Variants in IMMP2L observed in about 807,000 individuals in gnomAD.
IMMP2L encodes the protein inner mitochondrial membrane peptidase subunit 2.
IMMP2L carries 18 observed loss-of-function variants against 19.3 expected under a neutral mutation model. The ratio of observed to expected loss-of-function variants is 0.93; its 90% CI spans 0.64 to 1.38. IMMP2L has a LOEUF of 1.38. IMMP2L is among the 40% of genes most tolerant of loss of function. The probability of loss-of-function intolerance (pLI) is 0.00; values close to 1 mark genes in which losing one functional copy is unlikely to be tolerated. For missense variants in IMMP2L, 233 were observed against 218.2 expected, an observed-to-expected ratio of 1.07 and a Z score of -0.43; for synonymous variants, 76 against 73.0, an observed-to-expected ratio of 1.04 and a Z score of -0.21.
At chr7:110,849,551 C>T (rs1009841882) in intron 5 of IMMP2L, among the ~76,000 whole-genome samples, 10 of 151,818 alleles carry the variant, frequency 6.6e-5, no homozygotes, top group African/African-American at 9.7e-5. Flanking sequence ...AATGAACATA[C>T]GATAAAATGT....
At chr7:111,469,889 T>C (rs1169894001) in intron 3 of IMMP2L, among the ~76,000 whole-genome samples, 1 of 151,944 alleles carries the variant, frequency 6.6e-6, no homozygotes, top group East Asian at 1.9e-4. Context: ...CTAATTAAAC[T>C]AAAGAGCTTC....
chr7:111,505,937 T>C (rs1301188340), intron 2 of IMMP2L, among the ~76,000 whole-genome samples: 1 of 152,006 alleles, frequency 6.6e-6, no homozygotes, highest in Admixed American at 6.6e-5. Context: ...AACCTGCACA[T>C]TGTGCACATG....
At chr7:111,170,030 T>C (rs947459587) in intron 3 of IMMP2L, among the ~76,000 whole-genome samples, 6 of 151,958 alleles carry the variant, frequency 3.9e-5, no homozygotes, top group African/African-American at 1.2e-4. Flanking sequence ...AGCACATCTA[T>C]ATTGCTGATG....
At chr7:111,420,438 G>C (rs1835383223) in intron 3 of IMMP2L, among the ~76,000 whole-genome samples, 2 of 151,774 alleles carry the variant, frequency 1.3e-5, no homozygotes, top group East Asian at 3.9e-4. Flanking sequence ...AAGTTCTAGG[G>C]TACATGTGCA....
chr7:111,076,679 T>C lies in IMMP2L; in HGVS notation c.240-113114A>G, dbSNP rs1168818771. 1.1e-4 allele frequency among the ~76,000 whole-genome samples: 16 copies of C among 152,144 alleles called. 1 individual carries two copies. The highest frequency in any genetic ancestry group is 7.2e-4 in the Admixed American group (11 of 15,280). ...ATAGGGAATCCCTCTGTCCACATAATAGTGTGGTCAATTTGCTGTGGCACA... is the reference window on the plus strand; with the variant it reads ...ATAGGGAATCCCTCTGTCCACATAACAGTGTGGTCAATTTGCTGTGGCACA... On this transcript the variant is annotated intron_variant, in intron 3 of 5. Coordinates refer to ENST00000405709, the MANE Select transcript of IMMP2L (RefSeq NM_032549.4).
At chr7:110,887,211 T>A (rs1239271295) in intron 4 of IMMP2L, among the ~76,000 whole-genome samples, 1 of 152,138 alleles carries the variant, frequency 6.6e-6, no homozygotes, top group African/African-American at 2.4e-5. Context: ...TCTGAATAAC[T>A]TCTTGTTAGA....
intron 5 of IMMP2L, among the ~76,000 whole-genome samples, chr7:110,820,468 G>T (rs1043977446): frequency 1.3e-5 from 2 of 151,890 alleles, no homozygotes; most frequent in African/African-American, 4.8e-5. Context: ...TCGGTGTTTT[G>T]TTTCCCATTG....
chr7:111,036,590 T>C (rs1267781605), intron 3 of IMMP2L, among the ~76,000 whole-genome samples: 1 of 152,132 alleles, frequency 6.6e-6, no homozygotes, highest in Non-Finnish European at 1.5e-5. Flanking sequence ...AGAAGTTAGA[T>C]AGTTTAGCCA....
chr7:111,309,690 C>A (rs750816799), intron 3 of IMMP2L, among the ~76,000 whole-genome samples: 2 of 151,882 alleles, frequency 1.3e-5, no homozygotes, highest in Non-Finnish European at 2.9e-5. Context: ...TTAAATTTCC[C>A]TTTATTAAGA....
intron 3 of IMMP2L, among the ~76,000 whole-genome samples, chr7:111,263,941 T>C (rs1587124118): frequency 2.0e-5 from 3 of 152,130 alleles, no homozygotes; most frequent in African/African-American, 7.2e-5. Flanking sequence ...GCTGGTGACC[T>C]TAATAAGAGA....
At position 110,886,660 on chromosome 7, in the gene IMMP2L, G is replaced by A. The variant is rs754492591; in HGVS notation, c.341C>T (p.Pro114Leu). Residue 114 changes from proline (P) to leucine (L), a missense_variant, in exon 5 of 6, where the codon CCC becomes CTC. Transcript: ENST00000405709. ...ACCTTCAACCCAGATGTGACCACGG[G>A]GGACTTTGACATACCGGTTTTTGTG... ...IGHKNRYVKV[P>L]RGHIWVEGDH... is the part of the protein sequence containing the mutation. The A allele has an allele frequency of 1.9e-6, 3 of 1,607,824 alleles. No homozygotes were observed. The highest frequency in any genetic ancestry group is 1.7e-5 in the Admixed American group (1 of 59,924).
intron 5 of IMMP2L, among the ~76,000 whole-genome samples, chr7:110,721,712 A>G (rs1173458212): frequency 1.3e-5 from 2 of 152,158 alleles, no homozygotes; most frequent in African/African-American, 4.8e-5. Context: ...CTTTGCTACT[A>G]AACAATGCTG....
intron 3 of IMMP2L, among the ~76,000 whole-genome samples, chr7:111,064,623 T>A (rs1165215524): frequency 6.6e-6 from 1 of 152,122 alleles, no homozygotes; most frequent in Non-Finnish European, 1.5e-5. Context: ...CAGTATTATA[T>A]TCTGCTGCCC....
At chr7:110,718,653 G>A (rs184128880) in intron 5 of IMMP2L, among the ~76,000 whole-genome samples, 27 of 152,256 alleles carry the variant, frequency 1.8e-4, no homozygotes, top group East Asian at 5.8e-4. Context: ...TAACTGAAGC[G>A]CTTTAGCATT....
At chr7:110,790,620 G>A (rs1165876550) in intron 5 of IMMP2L, among the ~76,000 whole-genome samples, 2 of 151,642 alleles carry the variant, frequency 1.3e-5, no homozygotes, top group African/African-American at 4.9e-5. Flanking sequence ...AGTAATCAAG[G>A]ATGGGTTCCA....
chr7:111,310,043 T>G (rs1823336647), intron 3 of IMMP2L, among the ~76,000 whole-genome samples: 1 of 152,036 alleles, frequency 6.6e-6, no homozygotes, highest in Non-Finnish European at 1.5e-5. Flanking sequence ...AAGACCATCC[T>G]GGCCAACATG....
At chr7:111,106,550 C>T (rs1673919511) in intron 3 of IMMP2L, among the ~76,000 whole-genome samples, 1 of 151,468 alleles carries the variant, frequency 6.6e-6, no homozygotes, top group Non-Finnish European at 1.5e-5. Context: ...TTCTCACTGC[C>T]CCAGGCTTGA....
intron 3 of IMMP2L, among the ~76,000 whole-genome samples, chr7:111,161,746 A>T (rs1415496882): frequency 6.6e-6 from 1 of 152,016 alleles, no homozygotes; most frequent in South Asian, 2.1e-4. Flanking sequence ...TGCTCAAAAT[A>T]GTAGCGAACA....
chr7:110,762,596 A>G (rs971589266), intron 5 of IMMP2L, among the ~76,000 whole-genome samples: 1 of 152,118 alleles, frequency 6.6e-6, no homozygotes, highest in Admixed American at 6.6e-5. Context: ...CCTCTTCACA[A>G]GCACCAAATA....
Sources: allele counts gnomAD v4.1 joint callset (sites outside exome capture counted in the v4.1 genomes callset), GRCh38; gene constraint gnomAD v4.1.1; transcripts MANE v1.5; gene names NCBI Gene and HGNC (gene_info 2026-07-23, HGNC 2026-07-21).